GATAD2B: variants seen among roughly 807,000 people sequenced by gnomAD.
GATAD2B encodes GATA zinc finger domain containing 2B.
GATAD2B carries 8 observed loss-of-function variants against 64.3 expected under a neutral mutation model. The observed-to-expected ratio is 0.12, with a 90% CI of 0.07 to 0.22. The LOEUF (loss-of-function observed/expected upper bound fraction) is 0.22, where lower values mean the gene tolerates loss of function less well. Among genes scored for constraint, GATAD2B ranks in the 10% least tolerant of loss-of-function variants. The pLI, the probability that GATAD2B is intolerant of heterozygous loss-of-function variation, is 1.00. For missense variants in GATAD2B, 453 were observed against 752.0 expected, an observed-to-expected ratio of 0.60 and a Z score of 4.65; for synonymous variants, 281 against 271.3, an observed-to-expected ratio of 1.04 and a Z score of -0.35.
intron 1 of GATAD2B, among the ~76,000 whole-genome samples, chr1:153,871,298 C>T (rs932815189): frequency 3.3e-5 from 5 of 152,110 alleles, no homozygotes; most frequent in African/African-American, 1.2e-4. Context: ...AACTCCTGAC[C>T]TTGTGATCTG....
At chr1:153,813,191 G>A in intron 8 of GATAD2B, 59 bp downstream of exon 8, 13 of 1,361,244 alleles carry the variant, frequency 9.6e-6, no homozygotes, top group South Asian at 8.1e-5. Flanking sequence ...ACTAGAAGGC[G>A]CGACCCTTTG....
intron 1 of GATAD2B, among the ~76,000 whole-genome samples, chr1:153,861,619 T>TA (rs969410001): frequency 9.3e-4 from 125 of 134,514 alleles, no homozygotes; most frequent in African/African-American, 1.1e-3. Context: ...CCATCTCTAC[T>TA]AAAAAAAAAA....
chr1:153,813,508 C>T, intron 7 of GATAD2B, 56 bp from the exon 8 acceptor site: 1 of 1,183,122 alleles, frequency 8.5e-7, no homozygotes, highest in Non-Finnish European at 1.3e-6. Context: ...CTCTGTTTCT[C>T]TTAATCAAAT....
chr1:153,805,788 A>G lies in GATAD2B; in HGVS notation c.*4389T>C, dbSNP rs1674094759. ...TCTACCAAAGATCATATAGCAAGTT[A>G]GTAGGAGACCCCAGGTCTCCAGATT... On this transcript the variant is annotated 3_prime_UTR_variant, in exon 11 of 11. Coordinates refer to ENST00000368655, the MANE Select transcript of GATAD2B (RefSeq NM_020699.4). 6.6e-6 allele frequency: 1 copy of G among 152,242 alleles called. No individual in the cohort carries two copies. Among genetic ancestry groups the G allele is most frequent in the Non-Finnish European group, 1.5e-5 (1 of 68,036 alleles). The allele number at this position is 152,242 out of a possible 1,614,324, so 9.4% of individuals were successfully genotyped here. A position where few individuals can be genotyped will look rare whatever the true frequency, so the allele number is the denominator to read the frequency against.
At chr1:153,866,240 C>T (rs1676472813) in intron 1 of GATAD2B, among the ~76,000 whole-genome samples, 1 of 149,490 alleles carries the variant, frequency 6.7e-6, no homozygotes, top group African/African-American at 2.5e-5. Flanking sequence ...TAGCTCTGTA[C>T]ACTAAATTAG....
chr1:153,870,560 C>G (rs12041850), intron 1 of GATAD2B, among the ~76,000 whole-genome samples: 44,407 of 151,778 alleles, frequency 0.29, 6,712 homozygotes, highest in Admixed American at 0.39. Context: ...GTGACAGAGC[C>G]AGACTCCGTC....
chr1:153,848,554 G>A (rs1158548572), intron 1 of GATAD2B, among the ~76,000 whole-genome samples: 1 of 152,068 alleles, frequency 6.6e-6, no homozygotes, highest in East Asian at 1.9e-4. Flanking sequence ...TGTTCCCATG[G>A]TTTTAAATAG....
chr1:153,885,863 CAAAAAAA>C (rs778577435), intron 1 of GATAD2B, among the ~76,000 whole-genome samples: 6 of 53,668 alleles, frequency 1.1e-4, no homozygotes, highest in Non-Finnish European at 2.4e-4. Context: ...ACTCCGTCTC[CAAAAAAA>C]AAAAAAAAAA....
At chr1:153,915,955 ATTTTG>A (rs1182123950) in intron 1 of GATAD2B, among the ~76,000 whole-genome samples, 2 of 152,148 alleles carry the variant, frequency 1.3e-5, no homozygotes, top group Non-Finnish European at 2.9e-5. Flanking sequence ...GTGTTAGACT[ATTTTG>A]AAGGCACGAT....
chr1:153,878,693 C>T (rs970277940), intron 1 of GATAD2B, among the ~76,000 whole-genome samples: 25 of 151,792 alleles, frequency 1.6e-4, no homozygotes, highest in African/African-American at 5.3e-4. Context: ...CTCTCCCCAT[C>T]AGTGCTGTTA....
At chr1:153,815,496 G>A (rs1052498666) in intron 7 of GATAD2B, among the ~76,000 whole-genome samples, 28 of 151,730 alleles carry the variant, frequency 1.8e-4, no homozygotes, top group African/African-American at 6.8e-4. Flanking sequence ...GATGTTATTT[G>A]AGGACCCCCT....
intron 1 of GATAD2B, among the ~76,000 whole-genome samples, chr1:153,836,448 T>G (rs1330271985): frequency 2.0e-5 from 3 of 151,366 alleles, no homozygotes; most frequent in African/African-American, 4.9e-5. Context: ...ACGAGGTTTC[T>G]CCATGTTGGC....
intron 1 of GATAD2B, among the ~76,000 whole-genome samples, chr1:153,874,613 G>C (rs969876222): frequency 3.9e-5 from 6 of 151,972 alleles, no homozygotes; most frequent in African/African-American, 1.5e-4. Flanking sequence ...GTTTCCCTCT[G>C]TCACCCAGGC....
intron 1 of GATAD2B, among the ~76,000 whole-genome samples, chr1:153,903,043 T>C (rs911084806): frequency 6.6e-6 from 1 of 151,872 alleles, no homozygotes; most frequent in Non-Finnish European, 1.5e-5. Flanking sequence ...CGGTGAAACC[T>C]GATCTCTACT....
At chr1:153,854,860 C>A (rs1676027184) in intron 1 of GATAD2B, among the ~76,000 whole-genome samples, 1 of 152,100 alleles carries the variant, frequency 6.6e-6, no homozygotes, top group Admixed American at 6.6e-5. Context: ...CTTTTCACTG[C>A]AGGCATTGAG....
intron 1 of GATAD2B, among the ~76,000 whole-genome samples, chr1:153,919,195 T>C (rs893215062): frequency 1.3e-5 from 2 of 152,224 alleles, no homozygotes; most frequent in African/African-American, 4.8e-5. Flanking sequence ...AGTAATCTGC[T>C]GCTTTTTGTA....
chr1:153,858,016 G>A (rs941651182), intron 1 of GATAD2B, among the ~76,000 whole-genome samples: 3 of 152,086 alleles, frequency 2.0e-5, no homozygotes, highest in Admixed American at 6.6e-5. Context: ...GAGAAATCTG[G>A]AGATGCAATT....
chr1:153,810,127 A>G lies in GATAD2B; in HGVS notation c.*50T>C. Reference sequence around the variant, plus strand: ...GCGACAGAAGTTGGGGGAATGAAAGAGGAAAGGGATAAAGGATTCAAGGAT... The same window carrying G: ...GCGACAGAAGTTGGGGGAATGAAAGGGGAAAGGGATAAAGGATTCAAGGAT... On this transcript the variant is annotated 3_prime_UTR_variant, in exon 11 of 11. Coordinates refer to ENST00000368655, the MANE Select transcript of GATAD2B (RefSeq NM_020699.4). 1 of 1,552,738 alleles carries G rather than the reference A, an allele frequency of 6.4e-7. No homozygotes were observed. Among genetic ancestry groups the G allele is most frequent in the Non-Finnish European group, 8.7e-7 (1 of 1,144,700 alleles).
At chr1:153,818,428 C>T (rs2101881843) in intron 4 of GATAD2B, among the ~76,000 whole-genome samples, 1 of 151,768 alleles carries the variant, frequency 6.6e-6, no homozygotes, top group Non-Finnish European at 1.5e-5. Flanking sequence ...CATTCTCCTG[C>T]CTCAGCCTCC....
Sources: allele counts gnomAD v4.1 joint callset (sites outside exome capture counted in the v4.1 genomes callset), GRCh38; gene constraint gnomAD v4.1.1; transcripts MANE v1.5; gene names NCBI Gene and HGNC (gene_info 2026-07-23, HGNC 2026-07-21).